GRIP2: variants seen among roughly 807,000 people sequenced by gnomAD.
The protein encoded by GRIP2 is glutamate receptor-interacting protein 2.
In GRIP2, 58 loss-of-function variants were observed where a neutral mutation model predicts 108.3. The ratio of observed to expected loss-of-function variants is 0.54; its 90% confidence interval spans 0.43 to 0.67. The LOEUF (loss-of-function observed/expected upper bound fraction) is 0.67. Ranked by LOEUF, GRIP2 falls within the 30% of genes least tolerant of loss-of-function variation. The pLI, the probability that GRIP2 is intolerant of heterozygous loss-of-function variation, is 0.00. For missense variants in GRIP2, 1,278 were observed against 1,430.6 expected (o/e 0.89, Z 1.72); for synonymous variants, 586 against 598.2 (o/e 0.98, Z 0.30).
the GRIP2 span, among the ~76,000 whole-genome samples, chr3:14,589,390 T>C: frequency 2.6e-5 from 4 of 152,198 alleles, no homozygotes; most frequent in South Asian, 8.3e-4. Context: ...AAATGGATGA[T>C]GGTAGTTGTT....
At chr3:14,589,465 G>A in the GRIP2 span, among the ~76,000 whole-genome samples, 1 of 152,168 alleles carries the variant, frequency 6.6e-6, no homozygotes, top group African/African-American at 2.4e-5. Flanking sequence ...GTTCTTCAAG[G>A]ATGTGTTTTG....
At chr3:14,574,758 G>A in the GRIP2 span, 8 of 401,474 alleles carry the variant, frequency 2.0e-5, no homozygotes, top group East Asian at 4.5e-4. Context: ...TGCTGCGGCT[G>A]CATGGAAGCT....
At chr3:14,556,682 A>G (rs564248829), upstream of GRIP2, among the ~76,000 whole-genome samples, 58 of 152,268 alleles carry the variant, frequency 3.8e-4, no homozygotes, top group African/African-American at 1.4e-3. Flanking sequence ...AGCTGCTCAA[A>G]CTGCTGGTTG....
At chr3:14,516,084 G>A (rs1479739027) in intron 11 of GRIP2, among the ~76,000 whole-genome samples, 2 of 152,092 alleles carry the variant, frequency 1.3e-5, no homozygotes, top group African/African-American at 4.8e-5. Flanking sequence ...ACAGGCAGAG[G>A]AGTCGCAAGA....
intron 13 of GRIP2, among the ~76,000 whole-genome samples, 158 bp downstream of exon 13, chr3:14,513,507 A>G (rs1694157675): frequency 6.6e-6 from 1 of 152,200 alleles, no homozygotes; most frequent in African/African-American, 2.4e-5. Context: ...CTCCCGTGCC[A>G]AGGCTTCCCT....
At chr3:14,573,456 T>G in the GRIP2 span, 3 of 1,521,614 alleles carry the variant, frequency 2.0e-6, no homozygotes, top group Admixed American at 3.4e-5. Context: ...CCACAGGCGG[T>G]AGAACTGGTC....
intron 1 of GRIP2, among the ~76,000 whole-genome samples, chr3:14,535,445 C>G (rs1040955645): frequency 3.9e-5 from 6 of 152,156 alleles, no homozygotes; most frequent in Admixed American, 3.3e-4. Context: ...TCCCTCCCTG[C>G]CTGCTTCCCT....
chr3:14,574,618 C>T, the GRIP2 span: 5 of 678,650 alleles, frequency 7.4e-6, no homozygotes, highest in South Asian at 7.8e-5. Context: ...AGGATACCTT[C>T]CTGGGCAAAG....
the GRIP2 span, among the ~76,000 whole-genome samples, chr3:14,569,854 A>G: frequency 2.0e-5 from 3 of 152,002 alleles, no homozygotes; most frequent in East Asian, 1.9e-4. Flanking sequence ...TCCCACAGCT[A>G]GTTTGTGGCA....
At chr3:14,549,745 A>G (rs1695114091) in intron 1 of GRIP2, among the ~76,000 whole-genome samples, 1 of 152,196 alleles carries the variant, frequency 6.6e-6, no homozygotes. Context: ...CAGTCCCATG[A>G]GGCTGGGATC....
the GRIP2 span, chr3:14,574,225 C>A: frequency 5.7e-6 from 5 of 870,890 alleles, no homozygotes; most frequent in Non-Finnish European, 9.8e-6. Flanking sequence ...CTGTCCATGT[C>A]CTCGATCTGT....
intron 1 of GRIP2, among the ~76,000 whole-genome samples, chr3:14,551,140 A>T (rs1362083309): frequency 6.6e-6 from 1 of 152,184 alleles, no homozygotes; most frequent in East Asian, 1.9e-4. Flanking sequence ...AGTTGCGGTC[A>T]GCCTGAGTCC....
chr3:14,534,162 C>T (rs903628517), intron 1 of GRIP2, among the ~76,000 whole-genome samples: 7 of 152,172 alleles, frequency 4.6e-5, no homozygotes, highest in Non-Finnish European at 7.3e-5. Flanking sequence ...TCACGAACAT[C>T]CTCAGATGGG....
chr3:14,518,467 C>G (rs1248038297), intron 9 of GRIP2, among the ~76,000 whole-genome samples: 1 of 152,164 alleles, frequency 6.6e-6, no homozygotes, highest in Admixed American at 6.5e-5. Context: ...CTCCCCCTTC[C>G]CAGGCTGCAA....
the GRIP2 span, chr3:14,574,441 G>T: frequency 2.0e-5 from 14 of 712,554 alleles, no homozygotes; most frequent in South Asian, 3.1e-5. Context: ...TCCCGCTTCC[G>T]CCAGCCTCGC....
At chr3:14,513,414 G>A (rs916446080) in intron 13 of GRIP2, among the ~76,000 whole-genome samples, 2 of 152,162 alleles carry the variant, frequency 1.3e-5, no homozygotes, top group Admixed American at 6.5e-5. Flanking sequence ...CTGAGAAGGA[G>A]CTTGGAGTAT....
At chr3:14,498,895 C>T (rs563442222) in intron 21 of GRIP2, among the ~76,000 whole-genome samples, 2 of 152,268 alleles carry the variant, frequency 1.3e-5, no homozygotes, top group East Asian at 3.9e-4. Flanking sequence ...GTTAGTGGCC[C>T]ATGGAAGGTA....
At chr3:14,508,003 C>A (rs1693979166) in intron 17 of GRIP2, among the ~76,000 whole-genome samples, 1 of 152,240 alleles carries the variant, frequency 6.6e-6, no homozygotes, top group Non-Finnish European at 1.5e-5. Context: ...GCTATGTGAT[C>A]TTGGGCCAGT....
intron 21 of GRIP2, among the ~76,000 whole-genome samples, chr3:14,496,772 G>A (rs566142063): frequency 2.6e-5 from 4 of 152,344 alleles, no homozygotes; most frequent in South Asian, 4.1e-4. Flanking sequence ...TCACTGGCAC[G>A]TAATCATTCG....
Sources: gnomAD v4.1 joint callset for allele counts (sites outside exome capture counted in the v4.1 genomes callset) on GRCh38, gnomAD v4.1.1 for gene constraint, MANE v1.5 for transcripts, NCBI Gene and HGNC (gene_info 2026-07-23, HGNC 2026-07-21) for gene names.